Variants in SEMA4D observed in about 807,000 individuals in gnomAD.
SEMA4D encodes semaphorin 4D, also known as semaphorin-4D.
Under a neutral mutation model 74.8 loss-of-function variants are expected in SEMA4D, and 22 were observed. The ratio of observed to expected loss-of-function variants is 0.29; its 90% CI spans 0.21 to 0.42. The LOEUF is 0.42. Among genes scored for constraint, SEMA4D ranks in the 10% least tolerant of loss-of-function variants. The pLI is 1.00. For synonymous variants in SEMA4D, 445 were observed against 463.7 expected, an observed-to-expected ratio of 0.96 and a Z score of 0.52; for missense variants, 937 against 1,118.4, an observed-to-expected ratio of 0.84 and a Z score of 2.31.
chr9:89,420,576 C>T (rs1181897640), intron 2 of SEMA4D, among the ~76,000 whole-genome samples: 1 of 152,232 alleles, frequency 6.6e-6, no homozygotes. Flanking sequence ...TCGCTGATGG[C>T]AGAAGGACAG....
intron 2 of SEMA4D, among the ~76,000 whole-genome samples, chr9:89,413,942 C>T (rs1587704897): frequency 1.3e-5 from 2 of 152,224 alleles, no homozygotes; most frequent in East Asian, 3.8e-4. Context: ...CACTCTGTTG[C>T]AGAACATACA....
intron 2 of SEMA4D, among the ~76,000 whole-genome samples, chr9:89,427,833 C>A (rs528835931): frequency 6.6e-6 from 1 of 152,204 alleles, no homozygotes; most frequent in African/African-American, 2.4e-5. Context: ...GCGGGTCACA[C>A]GTGGGGAGGA....
intron 6 of SEMA4D, among the ~76,000 whole-genome samples, chr9:89,394,490 A>G (rs1840495877): frequency 6.6e-6 from 1 of 152,262 alleles, no homozygotes; most frequent in African/African-American, 2.4e-5. Context: ...TGGACAGCAC[A>G]GACGAGAGAG....
intron 16 of SEMA4D, among the ~76,000 whole-genome samples, chr9:89,372,064 T>TG (rs148799603): frequency 3.1e-5 from 1 of 32,152 alleles, no homozygotes. Context: ...TGTGGTGTGT[T>TG]GGGGGCGTGG....
intron 2 of SEMA4D, among the ~76,000 whole-genome samples, chr9:89,430,313 T>TGTGGAGG (rs2134590153): frequency 6.6e-6 from 1 of 152,206 alleles, no homozygotes; most frequent in South Asian, 2.1e-4. Context: ...CCCAACCACA[T>TGTGGAGG]ACACACTGTG....
intron 13 of SEMA4D, chr9:89,385,866 G>GGGGGGGGGGGGGGGGCCC: frequency 5.1e-6 from 1 of 196,226 alleles, no homozygotes; most frequent in Non-Finnish European, 9.0e-6. Context: ...CAGCGTGGAT[G>GGGGGGGGGGGGGGGGCCC]CCCGCCCACC....
chr9:89,386,672 C>G lies in SEMA4D; in HGVS notation c.1331-190G>C. ...TTGGCAAAACAGACAACTGGAAACC[C>G]AAGTGTTATGGGTTATTCCAGTTTT... On this transcript the variant is annotated intron_variant, in intron 12 of 15. Transcript: ENST00000422704. The G allele has an allele frequency of 5.5e-6, 3 of 541,720 alleles. No homozygotes were observed. In the South Asian group the frequency reaches 6.4e-5, roughly 12 times the overall value. The allele number at this position is 541,720 out of a possible 1,614,324, so 33.6% of individuals were successfully genotyped here.
chr9:89,415,743 A>G (rs892497590), intron 2 of SEMA4D, among the ~76,000 whole-genome samples: 2 of 152,150 alleles, frequency 1.3e-5, no homozygotes, highest in African/African-American at 2.4e-5. Context: ...AGTCTATGAC[A>G]TTTTGTTTGA....
chr9:89,452,898 G>A (rs1331519035), intron 2 of SEMA4D, among the ~76,000 whole-genome samples: 4 of 152,192 alleles, frequency 2.6e-5, no homozygotes, highest in Non-Finnish European at 5.9e-5. Flanking sequence ...ATTAGTCAGA[G>A]TAATGCACAG....
At chr9:89,386,725 G>A (rs1838596299) in intron 12 of SEMA4D, 2 of 416,994 alleles carry the variant, frequency 4.8e-6, no homozygotes, top group Admixed American at 8.3e-5. Context: ...CTGTTCCATG[G>A]TTGACCCCAA....
chr9:89,398,094 T>A (rs576579250), intron 5 of SEMA4D, among the ~76,000 whole-genome samples: 1 of 152,238 alleles, frequency 6.6e-6, no homozygotes, highest in East Asian at 1.9e-4. Flanking sequence ...CCAAAAAGCC[T>A]AAAACCCGCA....
downstream of SEMA4D, among the ~76,000 whole-genome samples, chr9:89,372,339 G>A (rs1346062995): frequency 8.5e-6 from 1 of 118,004 alleles, no homozygotes; most frequent in Non-Finnish European, 1.8e-5. Context: ...GGTGTGTGTG[G>A]GGGGGTGTGG....
At chr9:89,432,955 G>A (rs776568626) in intron 2 of SEMA4D, among the ~76,000 whole-genome samples, 2 of 152,244 alleles carry the variant, frequency 1.3e-5, no homozygotes, top group Non-Finnish European at 2.9e-5. Flanking sequence ...CTCTTCTGCA[G>A]CCAGTCATGT....
At chr9:89,401,336 C>T (rs1377367471) in intron 4 of SEMA4D, among the ~76,000 whole-genome samples, 2 of 152,196 alleles carry the variant, frequency 1.3e-5, no homozygotes, top group East Asian at 3.9e-4. Context: ...GGATAACATG[C>T]GTGAGCCACA....
At chr9:89,371,957 GGT>G (rs1835005903) in intron 16 of SEMA4D, among the ~76,000 whole-genome samples, 175 of 140,324 alleles carry the variant, frequency 1.2e-3, no homozygotes, top group Non-Finnish European at 1.8e-3. Context: ...TGTGGGGTGT[GGT>G]GTGTGTGGGG....
rs1836385572 is a variant in SEMA4D, at chr9:89,379,083, A to G, written c.2210T>C (p.Met737Thr). The G allele has an allele frequency of 6.2e-7, 1 of 1,613,974 alleles. No individual in the cohort carries two copies. Among genetic ancestry groups the G allele is most frequent in the African/African-American group, 1.3e-5 (1 of 74,948 alleles). ...YLKSSDNRLLMSLFLFFFVLF... is the reference protein window; with the variant it reads ...YLKSSDNRLLTSLFLFFFVLF... ...AACAAAGAAGAAGAGGAAGAGGGAC[A>G]TGAGGAGGCGGTTGTCGCTGGACTT... is the stretch of plus-strand genomic sequence containing the variant. Residue 737 changes from methionine to threonine, a missense_variant, in exon 16 of 16, where the codon ATG becomes ACG. Physicochemically the swap from Met to Thr is moderately conservative, Grantham distance 81 (BLOSUM62 -1). Coordinates refer to ENST00000422704, the MANE Select transcript of SEMA4D (RefSeq NM_001371194.2).
intron 1 of SEMA4D, among the ~76,000 whole-genome samples, chr9:89,460,522 TCA>T (rs1219098442): frequency 6.6e-6 from 1 of 152,242 alleles, no homozygotes; most frequent in African/African-American, 2.4e-5. Flanking sequence ...CCAAAATGTG[TCA>T]CACACTCATG....
Position 89,405,377 on chromosome 9 carries a change from A to T in SEMA4D, c.80T>A (p.Ile27Lys). Reference protein sequence around the residue: ...MFGTAMAFAPIPRITWEHREV... With the variant: ...MFGTAMAFAPKPRITWEHREV... ...TCTGTGCTCCCAGGTGATCCGGGGT[A>T]TGGGTGCAAATGCCATCGCTGTCCC... The change falls in exon 3 of 16, where the codon ATA becomes AAA. Residue 27 changes from isoleucine (I) to lysine (K), a missense_variant. Physicochemically the swap from Ile to Lys is moderately radical, Grantham distance 102. Coordinates refer to ENST00000422704, the MANE Select transcript of SEMA4D (RefSeq NM_001371194.2). 1 of 1,614,076 alleles carries T rather than the reference A, an allele frequency of 6.2e-7. No individual in the cohort carries two copies. The highest frequency in any genetic ancestry group is 2.2e-5 in the East Asian group (1 of 44,888).
chr9:89,372,295 GGGGTGTGGTGT>G (rs1322731341), downstream of SEMA4D, among the ~76,000 whole-genome samples: 1 of 120,536 alleles, frequency 8.3e-6, no homozygotes, highest in African/African-American at 3.2e-5. Context: ...GGGTGTGTAT[GGGGTGTGGTGT>G]GGGTCGGGGG....
Sources: allele counts gnomAD v4.1 joint callset (sites outside exome capture counted in the v4.1 genomes callset), GRCh38; gene constraint gnomAD v4.1.1; transcripts MANE v1.5; gene names NCBI Gene and HGNC (gene_info 2026-07-23, HGNC 2026-07-21).